The following AXIN1 variants were observed in gnomAD, a reference collection of about 807,000 sequenced individuals.
The protein encoded by AXIN1 is axin-1.
AXIN1 carries 30 observed loss-of-function variants against 76.4 expected under a neutral mutation model. The observed-to-expected ratio is 0.39, with a 90% confidence interval of 0.29 to 0.53. The LOEUF (loss-of-function observed/expected upper bound fraction) is 0.53, where lower values mean the gene tolerates loss of function less well. Ranked by LOEUF, AXIN1 falls within the 20% of genes least tolerant of loss-of-function variation. The pLI is 0.66. For missense variants in AXIN1, 1,140 were observed against 1,198.8 expected, an observed-to-expected ratio of 0.95 and a Z score of 0.72; for synonymous variants, 545 against 501.4, an observed-to-expected ratio of 1.09 and a Z score of -1.16.
rs377108671 is a variant in AXIN1, at chr16:314,702, G to A, written c.879-19C>T. On this transcript the variant is annotated intron_variant, in intron 2 of 10. Transcript: ENST00000262320. ...TCCATACCTGCAAACAGGCAAGCAGGGCATGTTAGTGACAGCCTGCCAACA... is the reference window on the plus strand; with the variant it reads ...TCCATACCTGCAAACAGGCAAGCAGAGCATGTTAGTGACAGCCTGCCAACA... 3.1e-6 allele frequency: 5 copies of A among 1,612,670 alleles called. No homozygotes were observed. The African/African-American group carries it at 6.7e-5, about 22-fold the overall frequency.
intron 2 of AXIN1, among the ~76,000 whole-genome samples, chr16:320,745 T>C: frequency 1.0e-5 from 1 of 100,230 alleles, no homozygotes; most frequent in East Asian, 2.6e-4. Context: ...ATATATATAT[T>C]TTTTTTTTTT....
At position 320,445 on chromosome 16, in the gene AXIN1, C is replaced by T. The variant is rs560950795; in HGVS notation, c.879-5762G>A. 1.6e-4 allele frequency among the ~76,000 whole-genome samples: 24 copies of T among 152,116 alleles called. No homozygotes were observed. The Middle Eastern group carries it at 0.02, about 129-fold the overall frequency. ...CAACACCAATAATGCAACATAGGGG[C>T]GGATAAAATCTAAACAGAAAAGTTA... On this transcript the variant is annotated intron_variant, in intron 2 of 10. Transcript: ENST00000262320.
rs769678275 is a variant in AXIN1, at chr16:297,840, G to A, written c.1666C>T (p.Arg556Cys). ...PKEQVEAEAT[R>C]RAQSSFAWGL... ...CAGGCGAAGCTGCTCTGGGCCCTGC[G>A]GGTGGCCTCGGCCTCCACCTGCTCC... is the stretch of plus-strand genomic sequence containing the variant. Residue 556 changes from arginine to cysteine, a missense_variant, in exon 6 of 11, where the codon CGC (arginine) becomes TGC (cysteine). By Grantham distance (180) the Arg-to-Cys change is radical (BLOSUM62 -3). Transcript: ENST00000262320. The A allele has an allele frequency of 8.9e-6, 14 of 1,576,006 alleles. No homozygotes were observed. The highest frequency in any genetic ancestry group is 1.7e-5 in the Admixed American group (1 of 57,698).
Position 298,273 on chromosome 16 carries a change from C to T in AXIN1, c.1255-22G>A, listed in dbSNP as rs147589868. ...CCTCCTGTGTGGGGACAAGCAGCACCATCACCTCTCAGCACCAGCTGCACA... is the reference window on the plus strand; with the variant it reads ...CCTCCTGTGTGGGGACAAGCAGCACTATCACCTCTCAGCACCAGCTGCACA... On this transcript the variant is annotated intron_variant, in intron 5 of 10. Transcript: ENST00000262320. The T allele has an allele frequency of 1.5e-3, 2,359 of 1,537,520 alleles. 7 individuals are homozygous for T. Among genetic ancestry groups the T allele is most frequent in the Middle Eastern group, 2.5e-3 (15 of 5,990 alleles).
chr16:333,906 T>G (rs930981239), intron 2 of AXIN1, among the ~76,000 whole-genome samples: 2 of 142,066 alleles, frequency 1.4e-5, no homozygotes, highest in Admixed American at 7.1e-5. Flanking sequence ...CCAGGTACCA[T>G]AGCATGCCCA....
intron 2 of AXIN1, among the ~76,000 whole-genome samples, chr16:344,957 C>T (rs1567306559): frequency 1.3e-5 from 2 of 152,172 alleles, no homozygotes; most frequent in Admixed American, 6.5e-5. Context: ...GCTGTGCTTT[C>T]GGAGTCTTGA....
chr16:288,424 A>G, intron 10 of AXIN1, 176 bp from the exon 11 acceptor site: 1 of 933,936 alleles, frequency 1.1e-6, no homozygotes, highest in African/African-American at 1.6e-5. Flanking sequence ...CAATGACCAC[A>G]TGTGGGTGAA....
chr16:301,773 G>C (rs1330342830), intron 5 of AXIN1, among the ~76,000 whole-genome samples: 1 of 152,164 alleles, frequency 6.6e-6, no homozygotes. Context: ...AATTACAGCG[G>C]CCGGCGACCG....
intron 2 of AXIN1, among the ~76,000 whole-genome samples, chr16:343,970 T>C (rs1239816493): frequency 1.3e-5 from 2 of 149,056 alleles, no homozygotes; most frequent in East Asian, 2.0e-4. Flanking sequence ...ATAGTGCTAC[T>C]GCACTCCAGC....
chr16:313,166 G>A lies in AXIN1; in HGVS notation c.1019+1377C>T, dbSNP rs190680935. ...AAATTATAATAATCATTAGCCAGGCGTGGTGGCGCACGCTTGTAGCCTCAG... is the reference window on the plus strand; with the variant it reads ...AAATTATAATAATCATTAGCCAGGCATGGTGGCGCACGCTTGTAGCCTCAG... On this transcript the variant is annotated intron_variant, in intron 3 of 10. Transcript: ENST00000262320. Among the ~76,000 whole-genome samples, 208 of 152,308 alleles carry A rather than the reference G, an allele frequency of 1.4e-3. 1 individual carries two copies. Among genetic ancestry groups the A allele is most frequent in the Non-Finnish European group, 2.4e-3 (161 of 68,026 alleles).
At chr16:323,214 C>T (rs1179254607) in intron 2 of AXIN1, among the ~76,000 whole-genome samples, 1 of 150,910 alleles carries the variant, frequency 6.6e-6, no homozygotes, top group Non-Finnish European at 1.5e-5. Context: ...CCAACGCAGG[C>T]ATATCACGAG....
chr16:350,041 C>T lies in AXIN1; in HGVS notation c.-82+2328G>A, dbSNP rs2054111471. Among the ~76,000 whole-genome samples the T allele has an allele frequency of 4.6e-5, 7 of 152,326 alleles. No individual in the cohort carries two copies. The South Asian group carries it at 1.0e-3, about 23-fold the overall frequency. On this transcript the variant is annotated intron_variant, in intron 1 of 10. Coordinates refer to ENST00000262320, the MANE Select transcript of AXIN1 (RefSeq NM_003502.4). ...TGAGCTCAAAGCAATCCACCCGCCT[C>T]GGCCTCCCAAAGTGTTGGGATTACA...
chr16:337,201 T>TAAAGAAA (rs1298174007), intron 2 of AXIN1, among the ~76,000 whole-genome samples: 1 of 148,916 alleles, frequency 6.7e-6, no homozygotes, highest in Non-Finnish European at 1.5e-5. Context: ...GTATCCTTTT[T>TAAAGAAA]AAAGAAAAAA....
At chr16:335,362 C>A (rs976768504) in intron 2 of AXIN1, among the ~76,000 whole-genome samples, 1 of 152,178 alleles carries the variant, frequency 6.6e-6, no homozygotes, top group Non-Finnish European at 1.5e-5. Context: ...ACACAGCACA[C>A]AGTACCACAG....
chr16:300,991 A>T (rs1238179220), intron 5 of AXIN1, among the ~76,000 whole-genome samples: 1 of 152,152 alleles, frequency 6.6e-6, no homozygotes, highest in East Asian at 1.9e-4. Flanking sequence ...TAGGTTATTT[A>T]AAAAATCTGG....
At chr16:326,368 A>AT (rs1555483785) in intron 2 of AXIN1, among the ~76,000 whole-genome samples, 9 of 90,440 alleles carry the variant, frequency 1.0e-4, no homozygotes, top group African/African-American at 4.2e-4. Context: ...AAAAAAAAAA[A>AT]AAAAATATAT....
chr16:342,005 A>G (rs1049694702), intron 2 of AXIN1, among the ~76,000 whole-genome samples: 7 of 152,122 alleles, frequency 4.6e-5, no homozygotes, highest in African/African-American at 1.4e-4. Flanking sequence ...AGACCACTGG[A>G]CTCTACCAAT....
At chr16:303,317 G>C (rs943867920) in intron 5 of AXIN1, among the ~76,000 whole-genome samples, 1 of 152,156 alleles carries the variant, frequency 6.6e-6, no homozygotes, top group African/African-American at 2.4e-5. Context: ...GTCTTCCTAG[G>C]TGGAACCTGG....
chr16:314,421 C>T, intron 3 of AXIN1, 122 bp downstream of exon 3: 1 of 1,484,668 alleles, frequency 6.7e-7, no homozygotes, highest in Non-Finnish European at 9.2e-7. Context: ...ACGCTGCCAT[C>T]CGCAAGAAAC....
Sources: gnomAD v4.1 joint callset for allele counts (sites outside exome capture counted in the v4.1 genomes callset) on GRCh38, gnomAD v4.1.1 for gene constraint, MANE v1.5 for transcripts, NCBI Gene and HGNC (gene_info 2026-07-23, HGNC 2026-07-21) for gene names.